The following RAB6C variants were observed in gnomAD, a reference collection of about 807,000 sequenced individuals.
RAB6C encodes ras-related protein Rab-6C.
A neutral mutation model predicts 17.2 loss-of-function variants in RAB6C; 8 were observed. The observed-to-expected ratio is 0.46, with a 90% confidence interval of 0.27 to 0.84. The LOEUF (loss-of-function observed/expected upper bound fraction) is 0.84. Among genes scored for constraint, RAB6C ranks in the 40% least tolerant of loss-of-function variants. The probability of loss-of-function intolerance (pLI) is 0.13; values close to 1 mark genes in which losing one functional copy is unlikely to be tolerated. For missense variants in RAB6C, 151 were observed against 306.5 expected, an observed-to-expected ratio of 0.49 and a Z score of 3.79; for synonymous variants, 78 against 118.9, an observed-to-expected ratio of 0.66 and a Z score of 2.24.
chr2:129,980,563 GT>G lies in RAB6C; in HGVS notation c.450del (p.Thr151ArgfsTer13), dbSNP rs1418563779. ...EGERKAKGLN[V>X]TFIETRAKAG... ...AGAGAGGAAAGCCAAAGGGCTGAAT[GT>G]TACGTTTATTGAAACTAGGGCAAAA... On this transcript the variant is annotated frameshift_variant, in exon 1 of 1. Transcript: ENST00000410061. LOFTEE classifies it high-confidence loss of function. 1 of 1,613,980 alleles carries G rather than the reference GT, an allele frequency of 6.2e-7. No individual in the cohort carries two copies. The highest frequency in any genetic ancestry group is 2.2e-5 in the East Asian group (1 of 44,888).
Position 129,980,518 on chromosome 2 carries a change from C to T in RAB6C, c.403C>T (p.Gln135Ter), listed in dbSNP as rs371801493. The T allele has an allele frequency of 2.5e-6, 4 of 1,614,022 alleles. No homozygotes were observed. The African/African-American group carries it at 5.3e-5, about 22-fold the overall frequency. Residue 135 changes from glutamine (Q) to a stop codon, truncating the protein, a stop_gained, in exon 1 of 1, where the codon CAA (glutamine) becomes TAA (stop). Coordinates refer to ENST00000410061, the MANE Select transcript of RAB6C (RefSeq NM_032144.3). LOFTEE classifies it high-confidence loss of function. ...GNRTDLADKR[Q>*]VSVEEGERKA... ...TAGAACAGATCTTGCTGACAAGAGG[C>T]AAGTGTCAGTTGAGGAGGGAGAGAG... is the stretch of plus-strand genomic sequence containing the variant.
rs770900027 is a variant in RAB6C at position 129,980,548 on chromosome 2, G to A, written c.433G>A (p.Ala145Thr). 1.9e-6 allele frequency: 3 copies of A among 1,614,160 alleles called. No individual in the cohort carries two copies. Among genetic ancestry groups the A allele is most frequent in the Admixed American group, 1.7e-5 (1 of 60,018 alleles). Reference protein sequence around the residue: ...QVSVEEGERKAKGLNVTFIET... With the variant: ...QVSVEEGERKTKGLNVTFIET... Reference sequence around the variant, plus strand: ...GTCAGTTGAGGAGGGAGAGAGGAAAGCCAAAGGGCTGAATGTTACGTTTAT... The same window carrying A: ...GTCAGTTGAGGAGGGAGAGAGGAAAACCAAAGGGCTGAATGTTACGTTTAT... The change falls in exon 1 of 1, where the codon GCC (alanine) becomes ACC (threonine). Residue 145 changes from alanine (A) to threonine (T), a missense_variant. Ala to Thr is a moderately conservative substitution (Grantham distance 58). This residue lies in a region of RAB6C where 136 missense variants were observed against 200.0 expected (regional missense o/e 0.68). Coordinates refer to ENST00000410061, the MANE Select transcript of RAB6C (RefSeq NM_032144.3).
In RAB6C at chr2:129,980,985, A is replaced by G. The variant is rs1026930563; in HGVS notation, c.*105A>G. 1.2e-5 allele frequency: 18 copies of G among 1,461,440 alleles called. No homozygotes were observed. The African/African-American group carries it at 2.0e-4, about 16-fold the overall frequency. 90.5% of individuals were successfully genotyped at this position (1,461,440 alleles called of 1,614,324 possible). On this transcript the variant is annotated 3_prime_UTR_variant, in exon 1 of 1. Transcript: ENST00000410061. Reference sequence around the variant, plus strand: ...TTCCGGTGATAACTTTAAAAATTAGATACATTTTCTTAACATTTTTTTCTT... The same window carrying G: ...TTCCGGTGATAACTTTAAAAATTAGGTACATTTTCTTAACATTTTTTTCTT...
In RAB6C at chr2:129,981,015, A is replaced by G. The variant is rs1424827432; in HGVS notation, c.*135A>G. On this transcript the variant is annotated 3_prime_UTR_variant, in exon 1 of 1. Transcript: ENST00000410061. ...TTTTCTTAACATTTTTTTCTTTTTT[A>G]ATGTTATGATAATGTACTTCAAAAT... The G allele has an allele frequency of 6.6e-6, 8 of 1,206,052 alleles. No individual in the cohort carries two copies. The Admixed American group carries it at 2.0e-4, about 30-fold the overall frequency. The allele number at this position is 1,206,052 out of a possible 1,614,324, so 74.7% of individuals were successfully genotyped here. A position where few individuals can be genotyped will look rare whatever the true frequency, so the allele number is the denominator to read the frequency against.
rs1324035511 is a variant in RAB6C at position 129,980,622 on chromosome 2, T to C, written c.507T>C (p.Arg169=). 1.1e-5 allele frequency: 18 copies of C among 1,612,962 alleles called. No individual in the cohort carries two copies. The highest frequency in any genetic ancestry group is 1.5e-5 in the Non-Finnish European group (18 of 1,179,726). ...AGYNVKQLFR[R]VAAALPGMES... The stretch of plus-strand genomic sequence containing the variant: ...ACAATGTAAAGCAGCTCTTTCGACG[T>C]GTAGCAGCAGCTTTGCCGGGAATGG... The change falls in exon 1 of 1, where the codon CGT becomes CGC. Residue 169 remains arginine, a synonymous_variant. Coordinates refer to ENST00000410061, the MANE Select transcript of RAB6C (RefSeq NM_032144.3).
chr2:129,980,866 G>A lies in RAB6C; in HGVS notation c.751G>A (p.Val251Ile), dbSNP rs1162799618. Residue 251 changes from valine (V) to isoleucine (I), a missense_variant, in exon 1 of 1, where the codon GTC (valine) becomes ATC (isoleucine). Val to Ile is a conservative substitution (Grantham distance 29). Transcript: ENST00000410061. ...ITFCNSSLLPVSWR is the reference protein window; with the variant it reads ...ITFCNSSLLPISWR ...GTTTTGCAATTCATCATTGCTGCCT[G>A]TCTCGTGGAGGTGATCTATTAGCTT... The A allele has an allele frequency of 3.7e-6, 6 of 1,606,038 alleles. No individual in the cohort carries two copies. The highest frequency in any genetic ancestry group is 4.3e-6 in the Non-Finnish European group (5 of 1,173,794).
In RAB6C at chr2:129,980,570, T is replaced by C; in HGVS notation, c.455T>C (p.Phe152Ser). Residue 152 changes from phenylalanine (F) to serine (S), a missense_variant, in exon 1 of 1, where the codon TTT becomes TCT. By Grantham distance (155) the Phe-to-Ser change is radical. Coordinates refer to ENST00000410061, the MANE Select transcript of RAB6C (RefSeq NM_032144.3). The part of the protein sequence containing the change: ...ERKAKGLNVT[F>S]IETRAKAGYN... ...AAAGCCAAAGGGCTGAATGTTACGT[T>C]TATTGAAACTAGGGCAAAAGCTGGA... is the stretch of plus-strand genomic sequence containing the variant. The C allele has an allele frequency of 1.9e-6, 3 of 1,613,940 alleles. No homozygotes were observed. The highest frequency in any genetic ancestry group is 2.5e-6 in the Non-Finnish European group (3 of 1,180,002).
In RAB6C at chr2:129,980,999, C is replaced by T; in HGVS notation, c.*119C>T. The stretch of plus-strand genomic sequence containing the variant: ...TTAAAAATTAGATACATTTTCTTAA[C>T]ATTTTTTTCTTTTTTAATGTTATGA... On this transcript the variant is annotated 3_prime_UTR_variant, in exon 1 of 1. Transcript: ENST00000410061. The T allele has an allele frequency of 7.1e-7, 1 of 1,404,166 alleles. No individual in the cohort carries two copies. The highest frequency in any genetic ancestry group is 2.4e-5 in the East Asian group (1 of 41,386). 87.0% of individuals were successfully genotyped at this position (1,404,166 alleles called of 1,614,324 possible).
Position 129,979,775 on chromosome 2 carries a change from C to T in RAB6C, c.-341C>T, listed in dbSNP as rs1220809856. 4.7e-6 allele frequency: 2 copies of T among 425,394 alleles called. No individual in the cohort carries two copies. The highest frequency in any genetic ancestry group is 2.1e-5 in the African/African-American group (1 of 47,828). The allele number at this position is 425,394 out of a possible 1,614,324, so 26.4% of individuals were successfully genotyped here. A position where few individuals can be genotyped will look rare whatever the true frequency, so the allele number is the denominator to read the frequency against. Reference sequence around the variant, plus strand: ...GCTCCGCCACCCTCCGTCTCTCTCCCGCAGGTCTCTGAGCCGGGTGCGGAA... The same window carrying T: ...GCTCCGCCACCCTCCGTCTCTCTCCTGCAGGTCTCTGAGCCGGGTGCGGAA... On this transcript the variant is annotated 5_prime_UTR_variant, in exon 1 of 1. Transcript: ENST00000410061.
chr2:129,980,374 G>C lies in RAB6C; in HGVS notation c.259G>C (p.Ala87Pro). ...SLIPRYIRDS[A>P]AAVVVYDITN... The stretch of plus-strand genomic sequence containing the variant: ...CATTCCCAGGTACATCCGTGATTCT[G>C]CTGCAGCTGTAGTAGTTTACGATAT... Residue 87 changes from alanine to proline, a missense_variant, in exon 1 of 1, where the codon GCT (alanine) becomes CCT (proline). Ala to Pro is a conservative substitution (Grantham distance 27, BLOSUM62 -1). Coordinates refer to ENST00000410061, the MANE Select transcript of RAB6C (RefSeq NM_032144.3). 1 of 1,612,374 alleles carries C rather than the reference G, an allele frequency of 6.2e-7. No individual in the cohort carries two copies. Among genetic ancestry groups the C allele is most frequent in the Non-Finnish European group, 8.5e-7 (1 of 1,179,664 alleles).
chr2:129,980,501 A>G lies in RAB6C; in HGVS notation c.386A>G (p.Asp129Gly). Residue 129 changes from aspartate to glycine, a missense_variant, in exon 1 of 1, where the codon GAT becomes GGT. By Grantham distance (94) the Asp-to-Gly change is moderately conservative (BLOSUM62 -1). Transcript: ENST00000410061. ...VIITLVGNRT[D>G]LADKRQVSVE... Reference sequence around the variant, plus strand: ...ATCACGCTAGTAGGAAATAGAACAGATCTTGCTGACAAGAGGCAAGTGTCA... The same window carrying G: ...ATCACGCTAGTAGGAAATAGAACAGGTCTTGCTGACAAGAGGCAAGTGTCA... 1 of 1,614,248 alleles carries G rather than the reference A, an allele frequency of 6.2e-7. No homozygotes were observed. The highest frequency in any genetic ancestry group is 2.2e-5 in the East Asian group (1 of 44,886).
chr2:129,982,292 T>G lies in RAB6C; in HGVS notation c.*1412T>G, dbSNP rs1456335073. The G allele has an allele frequency of 6.0e-6, 1 of 167,098 alleles. No homozygotes were observed. The highest frequency in any genetic ancestry group is 1.5e-5 in the Non-Finnish European group (1 of 68,126). 10.4% of individuals were successfully genotyped at this position (167,098 alleles called of 1,614,324 possible). On this transcript the variant is annotated 3_prime_UTR_variant, in exon 1 of 1. Transcript: ENST00000410061. Reference sequence around the variant, plus strand: ...TTTACTAGTTATTGTGAGATTGCTGTGTAAGCTAATAAACACATTTGTAAA... The same window carrying G: ...TTTACTAGTTATTGTGAGATTGCTGGGTAAGCTAATAAACACATTTGTAAA...
Position 129,982,057 on chromosome 2 carries a change from A to G in RAB6C, c.*1177A>G, listed in dbSNP as rs1166626910. 1 of 121,386 alleles carries G rather than the reference A, an allele frequency of 8.2e-6. No homozygotes were observed. The highest frequency in any genetic ancestry group is 1.8e-5 in the Non-Finnish European group (1 of 54,080). 7.5% of individuals were successfully genotyped at this position (121,386 alleles called of 1,614,324 possible). On this transcript the variant is annotated 3_prime_UTR_variant, in exon 1 of 1. Transcript: ENST00000410061. ...GTCTTTCAGGCTGGTTTTGGTTTGT[A>G]TTAGATCTGTATAGTTTAACTAGTG...
Position 129,982,139 on chromosome 2 carries a change from C to CTT in RAB6C, c.*1271_*1272dup, listed in dbSNP as rs55715552. 5 of 148,052 alleles carry CTT rather than the reference C, an allele frequency of 3.4e-5. No individual in the cohort carries two copies. The highest frequency in any genetic ancestry group is 2.1e-4 in the East Asian group (1 of 4,690). The allele number at this position is 148,052 out of a possible 1,614,324, so 9.2% of individuals were successfully genotyped here. A position where few individuals can be genotyped will look rare whatever the true frequency, so the allele number is the denominator to read the frequency against. ...TTTTTTCTTTGGCGATATTTCTTTGCTTTTTTTTTTTTTAACAACTTTCCA... is the reference window on the plus strand; with the variant it reads ...TTTTTTCTTTGGCGATATTTCTTTGCTTTTTTTTTTTTTTTAACAACTTTCCA... On this transcript the variant is annotated 3_prime_UTR_variant, in exon 1 of 1. Transcript: ENST00000410061.
chr2:129,979,887 T>A lies in RAB6C; in HGVS notation c.-229T>A, dbSNP rs1440775291. The A allele has an allele frequency of 6.7e-6, 5 of 746,522 alleles. No individual in the cohort carries two copies. The highest frequency in any genetic ancestry group is 1.1e-5 in the Non-Finnish European group (5 of 459,862). 46.2% of individuals were successfully genotyped at this position (746,522 alleles called of 1,614,324 possible). A position where few individuals can be genotyped will look rare whatever the true frequency, so the allele number is the denominator to read the frequency against. ...CTCCTTCCCTTCCCAGCCGCGGGCCTCGCTCCGTGCTCGGCTACTCTGCCG... is the reference window on the plus strand; with the variant it reads ...CTCCTTCCCTTCCCAGCCGCGGGCCACGCTCCGTGCTCGGCTACTCTGCCG... On this transcript the variant is annotated 5_prime_UTR_variant, in exon 1 of 1. Transcript: ENST00000410061.
Position 129,980,874 on chromosome 2 carries a change from G to T in RAB6C, c.759G>T (p.Trp253Cys). The T allele has an allele frequency of 6.2e-7, 1 of 1,606,890 alleles. No homozygotes were observed. The highest frequency in any genetic ancestry group is 8.5e-7 in the Non-Finnish European group (1 of 1,174,340). The change falls in exon 1 of 1, where the codon TGG becomes TGT. Residue 253 changes from tryptophan to cysteine, a missense_variant. Around this residue, in one of 2 missense-constraint regions of RAB6C, gnomAD observed 136 missense variants for 200.0 expected, o/e 0.68. Transcript: ENST00000410061. Reference sequence around the variant, plus strand: ...ATTCATCATTGCTGCCTGTCTCGTGGAGGTGATCTATTAGCTTCACAAGCA... The same window carrying T: ...ATTCATCATTGCTGCCTGTCTCGTGTAGGTGATCTATTAGCTTCACAAGCA... ...FCNSSLLPVS[W>C]R
Position 129,979,966 on chromosome 2 carries a change from C to CT in RAB6C, c.-149dup, listed in dbSNP as rs1681714892. 5 of 1,350,562 alleles carry CT rather than the reference C, an allele frequency of 3.7e-6. No individual in the cohort carries two copies. Among genetic ancestry groups the CT allele is most frequent in the East Asian group, 5.0e-5 (2 of 39,688 alleles). 83.7% of individuals were successfully genotyped at this position (1,350,562 alleles called of 1,614,324 possible). ...CGAGCCCTGCTGCCCTCCAGCCGGGCTCCTCCAGCCGGGCTCCTCCACCGG... is the reference window on the plus strand; with the variant it reads ...CGAGCCCTGCTGCCCTCCAGCCGGGCTTCCTCCAGCCGGGCTCCTCCACCGG... On this transcript the variant is annotated 5_prime_UTR_variant, in exon 1 of 1. Coordinates refer to ENST00000410061, the MANE Select transcript of RAB6C (RefSeq NM_032144.3).
rs72863817 is a variant in RAB6C, at chr2:129,981,890, A to C, written c.*1010A>C. 4 of 118,360 alleles carry C rather than the reference A, an allele frequency of 3.4e-5. No individual in the cohort carries two copies. Among genetic ancestry groups the C allele is most frequent in the African/African-American group, 8.3e-5 (2 of 24,222 alleles). The allele number at this position is 118,360 out of a possible 1,614,324, so 7.3% of individuals were successfully genotyped here. A position where few individuals can be genotyped will look rare whatever the true frequency, so the allele number is the denominator to read the frequency against. On this transcript the variant is annotated 3_prime_UTR_variant, in exon 1 of 1. Coordinates refer to ENST00000410061, the MANE Select transcript of RAB6C (RefSeq NM_032144.3). The stretch of plus-strand genomic sequence containing the variant: ...TCAAATTGAAGACGGAAGACGGAAG[A>C]CGGAAACCGGAAACCGTTTTCTTGT...
rs1364033873 is a variant in RAB6C at position 129,981,348 on chromosome 2, T to A, written c.*468T>A. ...CTTCTTTGAGGTCAGAATTCAGCGATCACGGTAGGCAGTGCTTGAATGAGA... is the reference window on the plus strand; with the variant it reads ...CTTCTTTGAGGTCAGAATTCAGCGAACACGGTAGGCAGTGCTTGAATGAGA... On this transcript the variant is annotated 3_prime_UTR_variant, in exon 1 of 1. Coordinates refer to ENST00000410061, the MANE Select transcript of RAB6C (RefSeq NM_032144.3). 1 of 192,590 alleles carries A rather than the reference T, an allele frequency of 5.2e-6. No individual in the cohort carries two copies. Among genetic ancestry groups the A allele is most frequent in the Non-Finnish European group, 1.2e-5 (1 of 83,344 alleles). 11.9% of individuals were successfully genotyped at this position (192,590 alleles called of 1,614,324 possible).
Sources: gnomAD v4.1 joint callset for allele counts on GRCh38, gnomAD v4.1.1 for gene constraint, gnomAD v4.1.1 regional missense constraint, MANE v1.5 for transcripts, NCBI Gene and HGNC (gene_info 2026-07-23, HGNC 2026-07-21) for gene names.